Variants in NOC3L observed in about 807,000 individuals in gnomAD.
NOC3L encodes the protein nucleolar complex protein 3 homolog.
A neutral mutation model predicts 102.5 loss-of-function variants in NOC3L; 85 were observed. That is an observed-to-expected ratio of 0.83 (90% CI 0.70 to 0.99). NOC3L has a LOEUF of 0.99. Ranked by LOEUF, NOC3L falls within the 50% of genes least tolerant of loss-of-function variation. NOC3L has a pLI of 0.00. For missense variants in NOC3L, 878 were observed against 914.9 expected (o/e 0.96, Z 0.52); for synonymous variants, 303 against 309.4 (o/e 0.98, Z 0.22).
chr10:94,341,870 T>C, intron 13 of NOC3L, 125 bp from the exon 14 acceptor site: 1 of 517,472 alleles, frequency 1.9e-6, no homozygotes, highest in Non-Finnish European at 3.4e-6. Context: ...ATGAAAGACA[T>C]GGCAATTATT....
At chr10:94,340,564 TA>T (rs911546033) in intron 14 of NOC3L, 68 bp from the exon 15 acceptor site, 5 of 1,361,236 alleles carry the variant, frequency 3.7e-6, no homozygotes, top group African/African-American at 3.0e-5. Context: ...TTTATAGCTT[TA>T]AAAAAGAACT....
the NOC3L span, chr10:94,325,158 T>C: frequency 8.1e-7 from 1 of 1,236,900 alleles, no homozygotes; most frequent in Non-Finnish European, 1.2e-6. Flanking sequence ...AACTACTTTG[T>C]AAGGAAGGCA....
chr10:94,339,102 G>A (rs2054253654), intron 17 of NOC3L, among the ~76,000 whole-genome samples: 1 of 152,114 alleles, frequency 6.6e-6, no homozygotes, highest in South Asian at 2.1e-4. Context: ...TATATCAAGA[G>A]AAATAGAAAG....
chr10:94,352,257 C>T, intron 8 of NOC3L, 53 bp downstream of exon 8: 1 of 1,233,912 alleles, frequency 8.1e-7, no homozygotes, highest in Non-Finnish European at 1.2e-6. Context: ...CAGAATTCAC[C>T]TTCATGATCA....
intron 19 of NOC3L, among the ~76,000 whole-genome samples, chr10:94,335,444 T>TA (rs1162866990): frequency 7.3e-5 from 11 of 151,064 alleles, no homozygotes; most frequent in Admixed American, 2.0e-4. Context: ...TTTTTCCTTT[T>TA]AAAAAAAAAG....
chr10:94,357,147 C>T, intron 4 of NOC3L, 27 bp downstream of exon 4: 1 of 1,432,752 alleles, frequency 7.0e-7, no homozygotes, highest in Non-Finnish European at 9.2e-7. Flanking sequence ...AAAAGTTCAA[C>T]TAATATTACC....
In NOC3L at chr10:94,352,376, C is replaced by T. The variant is rs766250914; in HGVS notation, c.886G>A (p.Glu296Lys). 22 of 1,613,488 alleles carry T rather than the reference C, an allele frequency of 1.4e-5. No homozygotes were observed. Among genetic ancestry groups the T allele is most frequent in the Non-Finnish European group, 1.8e-5 (21 of 1,179,786 alleles). The change falls in exon 8 of 21, where the codon GAA (glutamate) becomes AAA (lysine). Residue 296 changes from glutamate (E) to lysine (K), a missense_variant. By Grantham distance (56) the Glu-to-Lys change is moderately conservative. Coordinates refer to ENST00000371361, the MANE Select transcript of NOC3L (RefSeq NM_022451.11). ...TGGCTAACCAGGCCTTCTTCAAATTCTCTTAACTTCTGGGTTTCTTTTCGG... is the reference window on the plus strand; with the variant it reads ...TGGCTAACCAGGCCTTCTTCAAATTTTCTTAACTTCTGGGTTTCTTTTCGG... Reference protein sequence around the residue: ...KTRKETQKLREFEEGLVSQYK... With the variant: ...KTRKETQKLRKFEEGLVSQYK...
intron 13 of NOC3L, among the ~76,000 whole-genome samples, chr10:94,342,885 G>C (rs1227687838): frequency 6.6e-6 from 1 of 152,032 alleles, no homozygotes; most frequent in Non-Finnish European, 1.5e-5. Flanking sequence ...AGGAGTTCGA[G>C]ACCAGCCTGG....
intron 10 of NOC3L, among the ~76,000 whole-genome samples, chr10:94,346,891 T>C (rs1040584265): frequency 1.3e-5 from 2 of 152,110 alleles, no homozygotes; most frequent in East Asian, 1.9e-4. Context: ...TGGACCAGTA[T>C]GGGAGAAGAT....
chr10:94,338,250 G>C (rs1372171193), intron 18 of NOC3L, among the ~76,000 whole-genome samples: 1 of 152,124 alleles, frequency 6.6e-6, no homozygotes, highest in Non-Finnish European at 1.5e-5. Context: ...AAACCATCTT[G>C]AAACAGGGCT....
chr10:94,316,464 A>G, the NOC3L span: 1 of 857,956 alleles, frequency 1.2e-6, no homozygotes, highest in Non-Finnish European at 2.0e-6. Flanking sequence ...TAAATTGCAT[A>G]GCAAACCTAT....
the NOC3L span, chr10:94,324,240 C>A: frequency 1.2e-6 from 1 of 827,160 alleles, no homozygotes; most frequent in African/African-American, 1.7e-5. Flanking sequence ...TGGAAGATCC[C>A]CTTCATCTCT....
Position 94,334,086 on chromosome 10 carries a change from A to AT in NOC3L, c.*90dup, listed in dbSNP as rs907095987. ...GACATTCTTAGGAAGCTTTCCTTGT[A>AT]TAAAAAGAAAAGATCCTAAGTTAAC... On this transcript the variant is annotated 3_prime_UTR_variant, in exon 21 of 21. Coordinates refer to ENST00000371361, the MANE Select transcript of NOC3L (RefSeq NM_022451.11). 2 of 655,226 alleles carry AT rather than the reference A, an allele frequency of 3.1e-6. No homozygotes were observed. The highest frequency in any genetic ancestry group is 5.4e-6 in the Non-Finnish European group (2 of 373,598). 40.6% of individuals were successfully genotyped at this position (655,226 alleles called of 1,614,324 possible). A position where few individuals can be genotyped will look rare whatever the true frequency, so the allele number is the denominator to read the frequency against.
downstream of NOC3L, chr10:94,330,790 CT>C (rs1369870132): frequency 6.6e-6 from 1 of 151,890 alleles, no homozygotes; most frequent in Non-Finnish European, 1.5e-5. Context: ...TTATTTAAAG[CT>C]TTCTGAATTA....
chr10:94,344,877 C>T lies in NOC3L; in HGVS notation c.1446G>A (p.Glu482=), dbSNP rs781388297. 6.2e-7 allele frequency: 1 copy of T among 1,609,880 alleles called. No homozygotes were observed. ...ERELREAEAS[E]STEKKLKLHT... Reference sequence around the variant, plus strand: ...CCAGTTTAAGTTTTTTCTCAGTACTCTCTGAAGCTTCTGCCTCTCGAAGCT... The same window carrying T: ...CCAGTTTAAGTTTTTTCTCAGTACTTTCTGAAGCTTCTGCCTCTCGAAGCT... The change falls in exon 12 of 21, where the codon GAG becomes GAA. Residue 482 remains glutamate, a synonymous_variant. Coordinates refer to ENST00000371361, the MANE Select transcript of NOC3L (RefSeq NM_022451.11).
At chr10:94,317,649 A>T in the NOC3L span, among the ~76,000 whole-genome samples, 3 of 152,206 alleles carry the variant, frequency 2.0e-5, no homozygotes, top group African/African-American at 7.2e-5. Context: ...GATTCCCATG[A>T]TCATTCCTGG....
At chr10:94,324,599 A>T in the NOC3L span, 12 of 1,505,916 alleles carry the variant, frequency 8.0e-6, no homozygotes, top group Non-Finnish European at 1.1e-5. Context: ...CTCTGTTCTT[A>T]AGTTATCTGA....
In NOC3L at chr10:94,358,114, C is replaced by T. The variant is rs771279495; in HGVS notation, c.319G>A (p.Val107Ile). 6.8e-6 allele frequency: 11 copies of T among 1,606,482 alleles called. No individual in the cohort carries two copies. The African/African-American group carries it at 1.2e-4, about 18-fold the overall frequency. The change falls in exon 3 of 21, where the codon GTA (valine) becomes ATA (isoleucine). Residue 107 changes from valine (V) to isoleucine (I), a missense_variant. Coordinates refer to ENST00000371361, the MANE Select transcript of NOC3L (RefSeq NM_022451.11). ...GAAAGATCTCTTGTTAGAAAAGATA[C>T]TCTTTGTCCTAAATCCTTCATTAAC... ...LQLMKDLGQR[V>I]SFLTRDLSSS... is the part of the protein sequence containing the mutation.
At chr10:94,327,497 C>CTT in the NOC3L span, among the ~76,000 whole-genome samples, 1 of 152,300 alleles carries the variant, frequency 6.6e-6, no homozygotes, top group East Asian at 1.9e-4. Flanking sequence ...ATTGCTTGAA[C>CTT]TTTGGAGGCA....
Sources: allele counts gnomAD v4.1 joint callset (sites outside exome capture counted in the v4.1 genomes callset), GRCh38; gene constraint gnomAD v4.1.1; transcripts MANE v1.5; gene names NCBI Gene and HGNC (gene_info 2026-07-23, HGNC 2026-07-21).